Variants in ZNF362 observed in about 807,000 individuals in gnomAD.
ZNF362 encodes rotund homolog.
ZNF362 carries 11 observed loss-of-function variants against 42.9 expected under a neutral mutation model. The observed-to-expected ratio is 0.26, with a 90% CI of 0.16 to 0.42. The LOEUF is 0.42. ZNF362 is among the 20% of genes least tolerant of loss of function. The pLI is 1.00. For synonymous variants in ZNF362, 255 were observed against 257.3 expected (o/e 0.99, Z 0.09); for missense variants, 362 against 576.2 (o/e 0.63, Z 3.81).
the ZNF362 span, among the ~76,000 whole-genome samples, chr1:33,233,697 C>A: frequency 5.1e-4 from 78 of 152,308 alleles, no homozygotes; most frequent in African/African-American, 1.8e-3. Context: ...AGCCACCGAG[C>A]CTGGCCCCTT....
At chr1:33,214,750 C>G in the ZNF362 span, among the ~76,000 whole-genome samples, 1 of 152,076 alleles carries the variant, frequency 6.6e-6, no homozygotes, top group South Asian at 2.1e-4. Context: ...AAAAAATGCT[C>G]AACATTATTA....
In ZNF362 at chr1:33,295,260, C is replaced by T. The variant is rs781593128; in HGVS notation, c.1101C>T (p.His367=). The change falls in exon 8 of 9, where the codon CAC becomes CAT. Residue 367 remains histidine, a synonymous_variant. Coordinates refer to ENST00000539719, the MANE Select transcript of ZNF362 (RefSeq NM_152493.3). ...ACCTCTCGGCCCACGCCATCAAGCA[C>T]GCCAAGGCCTACTGCTGCAGCATGT... ...QIHLSAHAIK[H]AKAYCCSMCG... 1.4e-5 allele frequency: 23 copies of T among 1,614,136 alleles called. No individual in the cohort carries two copies. Among genetic ancestry groups the T allele is most frequent in the South Asian group, 2.2e-5 (2 of 91,094 alleles).
the ZNF362 span, among the ~76,000 whole-genome samples, chr1:33,248,014 A>G: frequency 6.6e-6 from 1 of 152,358 alleles, no homozygotes; most frequent in South Asian, 2.1e-4. Flanking sequence ...GTTGGTGTGT[A>G]CTGCTTCTAA....
chr1:33,280,192 A>G lies in ZNF362; in HGVS notation c.418A>G (p.Thr140Ala). The G allele has an allele frequency of 6.2e-7, 1 of 1,613,054 alleles. No homozygotes were observed. Among genetic ancestry groups the G allele is most frequent in the Non-Finnish European group, 8.5e-7 (1 of 1,179,394 alleles). Reference protein sequence around the residue: ...SESSAGAGTGTGTSTPSTPTT... With the variant: ...SESSAGAGTGAGTSTPSTPTT... ...GTCAAGCGCGGGCGCGGGCACGGGC[A>G]CGGGTACCAGCACCCCGTCCACACC... Residue 140 changes from threonine to alanine, a missense_variant, in exon 5 of 9, where the codon ACG becomes GCG. Around this residue, in one of 3 missense-constraint regions of ZNF362, gnomAD observed 266 missense variants for 365.4 expected, o/e 0.73. Transcript: ENST00000539719. This position sits in a 1 kb window ranked among gnomAD's most constrained non-coding sequence, Gnocchi z 5.6.
the ZNF362 span, among the ~76,000 whole-genome samples, chr1:33,149,249 T>G: frequency 6.6e-6 from 1 of 152,156 alleles, no homozygotes; most frequent in Admixed American, 6.5e-5. Context: ...ACCTCCCAGG[T>G]TCAAGTGATT....
chr1:33,174,784 G>C, the ZNF362 span, among the ~76,000 whole-genome samples: 1 of 152,066 alleles, frequency 6.6e-6, no homozygotes, highest in Non-Finnish European at 1.5e-5. Flanking sequence ...ACCAGTTTAT[G>C]GGCCTATCTT....
At chr1:33,224,063 C>G in the ZNF362 span, among the ~76,000 whole-genome samples, 1 of 151,968 alleles carries the variant, frequency 6.6e-6, no homozygotes, top group African/African-American at 2.4e-5. Context: ...ATTTTTCATA[C>G]ACAATGTTAA....
the ZNF362 span, among the ~76,000 whole-genome samples, chr1:33,148,908 C>T: frequency 6.6e-6 from 1 of 152,150 alleles, no homozygotes; most frequent in Non-Finnish European, 1.5e-5. Context: ...ATTGGCAGAG[C>T]CAGGACTAAC....
the ZNF362 span, among the ~76,000 whole-genome samples, chr1:33,174,974 C>T: frequency 7.7e-3 from 992 of 128,758 alleles, 6 homozygotes; most frequent in Non-Finnish European, 0.011. Context: ...TATATACACA[C>T]ATATACATAT....
chr1:33,217,385 C>T, the ZNF362 span, among the ~76,000 whole-genome samples: 12 of 152,314 alleles, frequency 7.9e-5, no homozygotes, highest in African/African-American at 2.4e-4. Context: ...ATCTGTCACT[C>T]CTGCCTCACA....
chr1:33,259,437 A>C (rs564159824), intron 1 of ZNF362, among the ~76,000 whole-genome samples: 1 of 152,342 alleles, frequency 6.6e-6, no homozygotes, highest in Non-Finnish European at 1.5e-5. Context: ...GTCTGAAGCC[A>C]GGCTGGCCCT....
the ZNF362 span, among the ~76,000 whole-genome samples, chr1:33,232,086 C>T: frequency 3.3e-5 from 5 of 152,204 alleles, no homozygotes; most frequent in South Asian, 2.1e-4. Context: ...GGACAGGGCA[C>T]TCCTCAGTAT....
chr1:33,165,409 CGCCCCTCGAA>C, the ZNF362 span: 1 of 1,453,330 alleles, frequency 6.9e-7, no homozygotes, highest in Non-Finnish European at 9.3e-7. The surrounding 1 kb of genome is among the most constrained non-coding windows in gnomAD (Gnocchi z 4.0). Flanking sequence ...CAGCTGGCCC[CGCCCCTCGAA>C]GCCCTGCCCT....
At chr1:33,288,468 G>A (rs1288843360) in intron 6 of ZNF362, among the ~76,000 whole-genome samples, 3 of 152,128 alleles carry the variant, frequency 2.0e-5, no homozygotes, top group African/African-American at 7.2e-5. Flanking sequence ...GGGTGCGGTG[G>A]TGGCTCATTC....
the ZNF362 span, chr1:33,159,647 G>A: frequency 6.3e-7 from 1 of 1,580,300 alleles, no homozygotes; most frequent in Non-Finnish European, 8.6e-7. The surrounding 1 kb of genome is among the most constrained non-coding windows in gnomAD (Gnocchi z 4.2). Flanking sequence ...GGTCGAGGAG[G>A]GGATGGTCAG....
the ZNF362 span, chr1:33,145,783 C>A: frequency 2.2e-6 from 1 of 455,906 alleles, no homozygotes. Flanking sequence ...ACTCCACCCT[C>A]TCCCGAGTTC....
the ZNF362 span, among the ~76,000 whole-genome samples, chr1:33,192,656 C>G: frequency 6.6e-6 from 1 of 151,994 alleles, no homozygotes; most frequent in South Asian, 2.1e-4. Context: ...GTAAGGGAAC[C>G]AGGGTATTTA....
chr1:33,267,716 C>T (rs907748335), intron 1 of ZNF362, among the ~76,000 whole-genome samples: 1 of 152,174 alleles, frequency 6.6e-6, no homozygotes, highest in African/African-American at 2.4e-5. Flanking sequence ...CTGTTATTAA[C>T]GACCATAGAC....
At chr1:33,196,089 A>G in the ZNF362 span, 1 of 152,192 alleles carries the variant, frequency 6.6e-6, no homozygotes, top group South Asian at 2.1e-4. Context: ...TGTTAAAACC[A>G]AAGACACAGG....
Sources: allele counts gnomAD v4.1 joint callset (sites outside exome capture counted in the v4.1 genomes callset), GRCh38; gene constraint gnomAD v4.1.1; regional missense constraint gnomAD v4.1.1; non-coding constraint Gnocchi (gnomAD v3.1); transcripts MANE v1.5; gene names NCBI Gene and HGNC (gene_info 2026-07-23, HGNC 2026-07-21).